PDE4D: variants seen among roughly 807,000 people sequenced by gnomAD.
PDE4D encodes phosphodiesterase 4D, also known as 3',5'-cyclic-AMP phosphodiesterase 4D.
Under a neutral mutation model 87.4 loss-of-function variants are expected in PDE4D, and 24 were observed. The observed-to-expected ratio is 0.27, with a 90% CI of 0.20 to 0.39. The LOEUF (loss-of-function observed/expected upper bound fraction) is 0.39. Among genes scored for constraint, PDE4D ranks in the 10% least tolerant of loss-of-function variants. The probability of loss-of-function intolerance (pLI) is 1.00; values close to 1 mark genes in which losing one functional copy is unlikely to be tolerated. For synonymous variants in PDE4D, 384 were observed against 383.2 expected, an observed-to-expected ratio of 1.00 and a Z score of -0.02; for missense variants, 714 against 1,041.0, an observed-to-expected ratio of 0.69 and a Z score of 4.32.
chr5:59,607,622 T>C (rs1046170700), intron 1 of PDE4D, among the ~76,000 whole-genome samples: 1 of 151,876 alleles, frequency 6.6e-6, no homozygotes, highest in Middle Eastern at 3.2e-3. Context: ...ATGTTTTTCT[T>C]GGGAATGAAG....
intron 1 of PDE4D, among the ~76,000 whole-genome samples, chr5:60,433,777 T>A (rs75797440): frequency 0.06 from 9,087 of 152,310 alleles, 378 homozygotes; most frequent in East Asian, 0.14. Flanking sequence ...TGCAGCAACA[T>A]GTATGCGGCT....
At chr5:59,763,550 G>A (rs913169787) in intron 1 of PDE4D, among the ~76,000 whole-genome samples, 2 of 152,066 alleles carry the variant, frequency 1.3e-5, no homozygotes, top group Admixed American at 1.3e-4. Flanking sequence ...AACTTATTTA[G>A]GCCTTACACC....
chr5:60,390,953 CA>C (rs1398337530), intron 1 of PDE4D, among the ~76,000 whole-genome samples: 1 of 152,144 alleles, frequency 6.6e-6, no homozygotes, highest in African/African-American at 2.4e-5. Context: ...CTAAAATTTA[CA>C]AACCTAATAT....
chr5:59,592,434 G>A (rs559993202), intron 1 of PDE4D, among the ~76,000 whole-genome samples: 2 of 151,870 alleles, frequency 1.3e-5, no homozygotes, highest in Admixed American at 6.6e-5. Context: ...CATAACCCAG[G>A]GTACAATCAC....
chr5:59,768,495 T>C, intron 1 of PDE4D: 1 of 1,598,284 alleles, frequency 6.3e-7, no homozygotes, highest in Non-Finnish European at 8.5e-7. Context: ...TGTCCGGGCT[T>C]GTCTGCTGAG....
chr5:60,398,954 C>A (rs1051196954), intron 1 of PDE4D, among the ~76,000 whole-genome samples: 2 of 152,086 alleles, frequency 1.3e-5, no homozygotes, highest in African/African-American at 4.8e-5. Context: ...TGTTAAGCAC[C>A]CACCTATCTT....
At position 59,229,143 on chromosome 5, in the gene PDE4D, A is replaced by AT. The variant is rs543022644; in HGVS notation, c.456-13176dup. On this transcript the variant is annotated intron_variant, in intron 1 of 14. Transcript: ENST00000340635. ...GAATATAAGCTCCACAAGTGCAGAG[A>AT]TTTTTTTTTAAAAATCTACTTTGTT... is the stretch of plus-strand genomic sequence containing the variant. 2.5e-4 allele frequency among the ~76,000 whole-genome samples: 38 copies of AT among 151,826 alleles called. 2 individuals are homozygous for AT. The South Asian group carries it at 7.1e-3, about 28-fold the overall frequency.
chr5:60,199,734 A>G (rs1354352022), intron 1 of PDE4D, among the ~76,000 whole-genome samples: 1 of 151,760 alleles, frequency 6.6e-6, no homozygotes, highest in Non-Finnish European at 1.5e-5. Flanking sequence ...AAAGAAACTT[A>G]GTATTAAAAT....
Position 58,991,999 on chromosome 5 carries a change from G to T in PDE4D, c.1021C>A (p.Gln341Lys). 1 of 1,549,658 alleles carries T rather than the reference G, an allele frequency of 6.5e-7. No homozygotes were observed. The highest frequency in any genetic ancestry group is 8.7e-7 in the Non-Finnish European group (1 of 1,150,936). ...GGAGAAGGAATTTCCACTTCATGTT[G>T]CTTATCTTGAGAAATTTAGAAAATG... ...EFISNTFLDK[Q>K]HEVEIPSPTQ... The change falls in exon 8 of 15, where the codon CAA (glutamine) becomes AAA (lysine). Residue 341 changes from glutamine (Q) to lysine (K), a missense_variant. By Grantham distance (53) the Gln-to-Lys change is moderately conservative. This residue lies in a region of PDE4D where 141 missense variants were observed against 204.3 expected (regional missense o/e 0.69). Coordinates refer to ENST00000340635, the MANE Select transcript of PDE4D (RefSeq NM_001104631.2).
At chr5:59,222,831 A>G (rs1056752045) in intron 1 of PDE4D, among the ~76,000 whole-genome samples, 1 of 152,158 alleles carries the variant, frequency 6.6e-6, no homozygotes, top group Non-Finnish European at 1.5e-5. Flanking sequence ...TAATTACAAT[A>G]CCTAGCTCTA....
At chr5:59,569,256 A>T (rs1821426299) in intron 1 of PDE4D, among the ~76,000 whole-genome samples, 2 of 152,192 alleles carry the variant, frequency 1.3e-5, no homozygotes, top group South Asian at 4.1e-4. Context: ...ATCATTAATT[A>T]GAGCCAAGTT....
intron 1 of PDE4D, among the ~76,000 whole-genome samples, chr5:59,235,480 G>C (rs1756215252): frequency 6.6e-6 from 1 of 152,130 alleles, no homozygotes; most frequent in Non-Finnish European, 1.5e-5. Context: ...TCAGGAAGGA[G>C]GGCAATGATG....
chr5:59,293,826 A>G (rs1419637629), intron 1 of PDE4D, among the ~76,000 whole-genome samples: 2 of 152,164 alleles, frequency 1.3e-5, no homozygotes, highest in Admixed American at 1.3e-4. Context: ...TGGGAGTCAC[A>G]TACCACTGAA....
chr5:59,258,182 T>C (rs1761332259), intron 1 of PDE4D, among the ~76,000 whole-genome samples: 1 of 152,016 alleles, frequency 6.6e-6, no homozygotes, highest in African/African-American at 2.4e-5. Context: ...CCAATGTTTG[T>C]TTGACTGGTT....
intron 1 of PDE4D, among the ~76,000 whole-genome samples, chr5:59,528,417 G>A (rs1390974192): frequency 1.3e-5 from 2 of 152,136 alleles, no homozygotes; most frequent in African/African-American, 4.8e-5. Flanking sequence ...TTGAAGTCCT[G>A]CCCTTTGGTT....
In PDE4D at chr5:59,567,751, T is replaced by C. The variant is rs568633275; in HGVS notation, c.455+325417A>G. Reference sequence around the variant, plus strand: ...ATTGAACAATTAAGTAAGCAAATGATGGATGGTAGTTTTTCACTGTTGGAG... The same window carrying C: ...ATTGAACAATTAAGTAAGCAAATGACGGATGGTAGTTTTTCACTGTTGGAG... On this transcript the variant is annotated intron_variant, in intron 1 of 14. Coordinates refer to ENST00000340635, the MANE Select transcript of PDE4D (RefSeq NM_001104631.2). 1.8e-4 allele frequency among the ~76,000 whole-genome samples: 28 copies of C among 152,266 alleles called. No homozygotes were observed. In the South Asian group the frequency reaches 5.6e-3, roughly 30 times the overall value.
intron 1 of PDE4D, among the ~76,000 whole-genome samples, chr5:59,352,393 T>C (rs761023374): frequency 6.6e-6 from 1 of 152,186 alleles, no homozygotes; most frequent in African/African-American, 2.4e-5. Flanking sequence ...AAAAGTGCTA[T>C]GCAACAGGAG....
At chr5:60,106,172 G>A (rs1370052028) in intron 2 of PDE4D, among the ~76,000 whole-genome samples, 2 of 151,506 alleles carry the variant, frequency 1.3e-5, no homozygotes, top group Non-Finnish European at 2.9e-5. Context: ...GATCTACCAA[G>A]CAAATGGAAA....
chr5:59,688,014 G>A (rs1027878829), intron 1 of PDE4D, among the ~76,000 whole-genome samples: 1 of 152,140 alleles, frequency 6.6e-6, no homozygotes, highest in Non-Finnish European at 1.5e-5. Flanking sequence ...AACAAGAAGA[G>A]CTAACTATCC....
Sources: allele counts gnomAD v4.1 joint callset (sites outside exome capture counted in the v4.1 genomes callset), GRCh38; gene constraint gnomAD v4.1.1; regional missense constraint gnomAD v4.1.1; transcripts MANE v1.5; gene names NCBI Gene and HGNC (gene_info 2026-07-23, HGNC 2026-07-21).